The following KCNC3 variants were observed in gnomAD, a reference collection of about 807,000 sequenced individuals.
KCNC3 encodes voltage-gated potassium channel KCNC3.
KCNC3 carries 22 observed loss-of-function variants against 43.9 expected under a neutral mutation model. The ratio of observed to expected loss-of-function variants is 0.50; its 90% CI spans 0.36 to 0.72. The LOEUF (loss-of-function observed/expected upper bound fraction) is 0.72. Among genes scored for constraint, KCNC3 ranks in the 30% least tolerant of loss-of-function variants. The pLI is 0.00. For missense variants in KCNC3, 829 were observed against 1,073.8 expected (o/e 0.77, Z 3.19); for synonymous variants, 492 against 488.0 (o/e 1.01, Z -0.11).
In KCNC3 at chr19:50,324,026, C is replaced by T; in HGVS notation, c.927G>A (p.Leu309=). ...FILISITTFC[L]ETHEGFIHIS... Reference sequence around the variant, plus strand: ...TATGGATGAAGCCCTCATGGGTTTCCAGGCAGAAGGTGGTGATGGAGATGA... The same window carrying T: ...TATGGATGAAGCCCTCATGGGTTTCTAGGCAGAAGGTGGTGATGGAGATGA... Residue 309 remains leucine, a synonymous_variant, in exon 2 of 5, where the codon CTG becomes CTA. Coordinates refer to ENST00000477616, the MANE Select transcript of KCNC3 (RefSeq NM_004977.3). This position sits in a 1 kb window ranked among gnomAD's most constrained non-coding sequence, Gnocchi z 4.1. 6 of 1,608,062 alleles carry T rather than the reference C, an allele frequency of 3.7e-6. No homozygotes were observed. The highest frequency in any genetic ancestry group is 5.1e-6 in the Non-Finnish European group (6 of 1,175,678).
chr19:50,317,111 A>C (rs1282024621), intron 4 of KCNC3, among the ~76,000 whole-genome samples: 1 of 147,690 alleles, frequency 6.8e-6, no homozygotes, highest in African/African-American at 2.5e-5. Flanking sequence ...GAACAGAGGA[A>C]GGTAAAGGAC....
Position 50,324,178 on chromosome 19 carries a change from C to G in KCNC3, c.871-96G>C. On this transcript the variant is annotated intron_variant, in intron 1 of 4. Coordinates refer to ENST00000477616, the MANE Select transcript of KCNC3 (RefSeq NM_004977.3). The surrounding 1 kb of genome is among the most constrained non-coding windows in gnomAD (Gnocchi z 4.1). ...ACCCTTCCAGTGCCCCCTTCCCCAGCCTCCTGGGCCCAAACTCTGGGCAAA... is the reference window on the plus strand; with the variant it reads ...ACCCTTCCAGTGCCCCCTTCCCCAGGCTCCTGGGCCCAAACTCTGGGCAAA... The G allele has an allele frequency of 7.8e-7, 1 of 1,273,964 alleles. No homozygotes were observed. The highest frequency in any genetic ancestry group is 1.1e-6 in the Non-Finnish European group (1 of 939,344). 78.9% of individuals were successfully genotyped at this position (1,273,964 alleles called of 1,614,324 possible).
intron 1 of KCNC3, among the ~76,000 whole-genome samples, chr19:50,325,443 C>G (rs1401529159): frequency 6.6e-6 from 1 of 152,018 alleles, no homozygotes; most frequent in Non-Finnish European, 1.5e-5. Context: ...CTGTGCACCC[C>G]CCTTCCTCCA....
In KCNC3 at chr19:50,323,053, T is replaced by C. The variant is rs1426577364; in HGVS notation, c.1900A>G (p.Met634Val). Residue 634 changes from methionine to valine, a missense_variant, in exon 2 of 5, where the codon ATG becomes GTG. Around this residue, in one of 7 missense-constraint regions of KCNC3, gnomAD observed 308 missense variants for 276.2 expected, o/e 1.11. Coordinates refer to ENST00000477616, the MANE Select transcript of KCNC3 (RefSeq NM_004977.3). Reference sequence around the variant, plus strand: ...GGGGCTGGCAGAGGAGGCAGCCCCATGATCCCCAGCCCACCCGCTCCCCCC... The same window carrying C: ...GGGGCTGGCAGAGGAGGCAGCCCCACGATCCCCAGCCCACCCGCTCCCCCC... ...LRGGAGGLGI[M>V]GLPPLPAPGE... 6.5e-7 allele frequency: 1 copy of C among 1,541,846 alleles called. No individual in the cohort carries two copies. The highest frequency in any genetic ancestry group is 2.0e-5 in the Admixed American group (1 of 50,448).
At chr19:50,319,760 G>A (rs996049422) in intron 4 of KCNC3, among the ~76,000 whole-genome samples, 19 of 152,078 alleles carry the variant, frequency 1.2e-4, no homozygotes, top group South Asian at 4.1e-4. Flanking sequence ...TTTTGTTCAC[G>A]GTTGAACTCC....
At position 50,328,330 on chromosome 19, in the gene KCNC3, G is replaced by A; in HGVS notation, c.753C>T (p.Gly251=). The change falls in exon 1 of 5, where the codon GGC becomes GGT. Residue 251 remains glycine (G), a synonymous_variant. Transcript: ENST00000477616. ...CCCCTGGCGGCCCCCCGGCGCCGCC[G>A]CCCGCGTCCTGGAAGCAGAGGCGCT... ...ELKRLCFQDA[G]GGAGGPPGGA... is the part of the protein sequence containing the mutation. 1 of 1,141,776 alleles carries A rather than the reference G, an allele frequency of 8.8e-7. No individual in the cohort carries two copies. The highest frequency in any genetic ancestry group is 1.1e-6 in the Non-Finnish European group (1 of 933,208). 70.7% of individuals were successfully genotyped at this position (1,141,776 alleles called of 1,614,324 possible). A position where few individuals can be genotyped will look rare whatever the true frequency, so the allele number is the denominator to read the frequency against.
Position 50,323,789 on chromosome 19 carries a change from G to A in KCNC3, c.1164C>T (p.Ala388=), listed in dbSNP as rs144968007. ...KSSLNIIDCV[A]ILPFYLEVGL... ...CCACCTCGAGATAGAAGGGCAGGAT[G>A]GCCACACAGTCGATGATGTTGAGGC... Residue 388 remains alanine (A), a synonymous_variant, in exon 2 of 5, where the codon GCC becomes GCT. Transcript: ENST00000477616. 15 of 1,614,104 alleles carry A rather than the reference G, an allele frequency of 9.3e-6. No homozygotes were observed. Among genetic ancestry groups the A allele is most frequent in the Admixed American group, 3.3e-5 (2 of 60,002 alleles).
upstream of KCNC3, among the ~76,000 whole-genome samples, chr19:50,330,065 G>A (rs2037168450): frequency 6.6e-6 from 1 of 152,154 alleles, no homozygotes; most frequent in Non-Finnish European, 1.5e-5. Flanking sequence ...TCAGGAGTTC[G>A]AGACCAGCCC....
chr19:50,319,726 A>G (rs1312590013), intron 4 of KCNC3, among the ~76,000 whole-genome samples: 1 of 151,896 alleles, frequency 6.6e-6, no homozygotes, highest in Non-Finnish European at 1.5e-5. Context: ...CCTGCTCCAA[A>G]GCGGAAGCTC....
intron 1 of KCNC3, among the ~76,000 whole-genome samples, chr19:50,327,634 G>A (rs776833514): frequency 2.0e-5 from 3 of 152,034 alleles, no homozygotes; most frequent in Non-Finnish European, 4.4e-5. Context: ...GGGGTGAATC[G>A]GGGAGGTGCT....
chr19:50,320,715 G>A lies in KCNC3; in HGVS notation c.2048C>T (p.Pro683Leu), dbSNP rs2037021620. The A allele has an allele frequency of 6.2e-7, 1 of 1,614,024 alleles. No homozygotes were observed. The highest frequency in any genetic ancestry group is 2.2e-5 in the East Asian group (1 of 44,868). ...GCTCTTGTCTTCCGGGGACATGGCA[G>A]GCTGGTCAATGGCTGGGCAGTCCTC... ...AHEDCPAIDQ[P>L]AMSPEDKSPI... is the part of the protein sequence containing the mutation. The change falls in exon 3 of 5, where the codon CCT (proline) becomes CTT (leucine). Residue 683 changes from proline to leucine, a missense_variant. By Grantham distance (98) the Pro-to-Leu change is moderately conservative. This residue lies in a region of KCNC3 where 308 missense variants were observed against 276.2 expected (regional missense o/e 1.11). Transcript: ENST00000477616.
chr19:50,321,197 T>C (rs1286678633), intron 2 of KCNC3, among the ~76,000 whole-genome samples: 6 of 151,950 alleles, frequency 3.9e-5, no homozygotes, highest in Admixed American at 3.9e-4. Context: ...GCTGGCCACA[T>C]TGGCTCATGC....
At position 50,314,615 on chromosome 19, in the gene KCNC3, A is replaced by C. The variant is rs1434535286; in HGVS notation, c.*1500T>G. 4 of 327,088 alleles carry C rather than the reference A, an allele frequency of 1.2e-5. No homozygotes were observed. The highest frequency in any genetic ancestry group is 4.4e-5 in the South Asian group (2 of 45,060). 20.3% of individuals were successfully genotyped at this position (327,088 alleles called of 1,614,324 possible). A position where few individuals can be genotyped will look rare whatever the true frequency, so the allele number is the denominator to read the frequency against. ...TCCTATGGCTCGTGGAGACCTGAGA[A>C]GGCTTTTTTTGGGGAGGGAAGAGTT... On this transcript the variant is annotated 3_prime_UTR_variant, in exon 5 of 5. Coordinates refer to ENST00000477616, the MANE Select transcript of KCNC3 (RefSeq NM_004977.3).
chr19:50,320,545 G>T, intron 3 of KCNC3, 48 bp downstream of exon 3: 1 of 1,552,040 alleles, frequency 6.4e-7, no homozygotes, highest in Non-Finnish European at 8.8e-7. Flanking sequence ...CCCTGGGCAG[G>T]GGAGAGAGAG....
chr19:50,328,836 C>A lies in KCNC3; in HGVS notation c.247G>T (p.Gly83Cys). 4 of 1,488,208 alleles carry A rather than the reference C, an allele frequency of 2.7e-6. No individual in the cohort carries two copies. The highest frequency in any genetic ancestry group is 3.6e-6 in the Non-Finnish European group (4 of 1,124,100). The allele number at this position is 1,488,208 out of a possible 1,614,324, so 92.2% of individuals were successfully genotyped here. ...PAAAMGRHGG[G>C]GGDSGKIVIN... ...ACGATCTTGCCGCTGTCGCCACCGC[C>A]GCCGCCGTGCCGCCCCATGGCCGCC... is the stretch of plus-strand genomic sequence containing the variant. Residue 83 changes from glycine (G) to cysteine (C), a missense_variant, in exon 1 of 5, where the codon GGC becomes TGC. Transcript: ENST00000477616.
At chr19:50,316,302 G>A (rs185846262) in intron 4 of KCNC3, among the ~76,000 whole-genome samples, 170 of 152,008 alleles carry the variant, frequency 1.1e-3, no homozygotes, top group Admixed American at 3.2e-3. Context: ...GGAGGGGGAG[G>A]GGAGGAGGAA....
Position 50,324,216 on chromosome 19 carries a change from C to T in KCNC3, c.871-134G>A, listed in dbSNP as rs1003102035. 18 of 804,396 alleles carry T rather than the reference C, an allele frequency of 2.2e-5. No individual in the cohort carries two copies. Among genetic ancestry groups the T allele is most frequent in the Admixed American group, 5.8e-5 (2 of 34,476 alleles). 49.8% of individuals were successfully genotyped at this position (804,396 alleles called of 1,614,324 possible). A position where few individuals can be genotyped will look rare whatever the true frequency, so the allele number is the denominator to read the frequency against. ...AACTCTGGGCAAAATCCAGGTGTCTCAGCCCTGTGGCTCCATCACTTCCAG... is the reference window on the plus strand; with the variant it reads ...AACTCTGGGCAAAATCCAGGTGTCTTAGCCCTGTGGCTCCATCACTTCCAG... On this transcript the variant is annotated intron_variant, in intron 1 of 4. Transcript: ENST00000477616. This position sits in a 1 kb window ranked among gnomAD's most constrained non-coding sequence, Gnocchi z 4.1.
In KCNC3 at chr19:50,322,984, T is replaced by C; in HGVS notation, c.1969A>G (p.Asn657Asp). 1 of 1,550,684 alleles carries C rather than the reference T, an allele frequency of 6.4e-7. No homozygotes were observed. The highest frequency in any genetic ancestry group is 8.7e-7 in the Non-Finnish European group (1 of 1,147,470). Residue 657 changes from asparagine (N) to aspartate (D), a missense_variant, in exon 2 of 5, where the codon AAC (asparagine) becomes GAC (aspartate). By Grantham distance (23) the Asn-to-Asp change is conservative. Around this residue, in one of 7 missense-constraint regions of KCNC3, gnomAD observed 308 missense variants for 276.2 expected, o/e 1.11. Coordinates refer to ENST00000477616, the MANE Select transcript of KCNC3 (RefSeq NM_004977.3). ...PLAQEEVIEINRADPRPNGDP... is the reference protein window; with the variant it reads ...PLAQEEVIEIDRADPRPNGDP... ...TGACGCCCAGGCTCACCTGCCCGGT[T>C]GATCTCAATCACCTCCTCCTGAGCC...
Position 50,313,034 on chromosome 19 carries a change from G to C in KCNC3, c.*3081C>G, listed in dbSNP as rs2036900559. Reference sequence around the variant, plus strand: ...CCACCCTCGGGTGGGGGGTTCCTGAGGCCGTGGGAGCAGAGGGAGGGAGGT... The same window carrying C: ...CCACCCTCGGGTGGGGGGTTCCTGACGCCGTGGGAGCAGAGGGAGGGAGGT... On this transcript the variant is annotated 3_prime_UTR_variant, in exon 5 of 5. Transcript: ENST00000477616. The C allele has an allele frequency of 6.6e-6, 1 of 152,178 alleles. No homozygotes were observed. Among genetic ancestry groups the C allele is most frequent in the African/African-American group, 2.4e-5 (1 of 41,432 alleles). The allele number at this position is 152,178 out of a possible 1,614,324, so 9.4% of individuals were successfully genotyped here.
Sources: allele counts gnomAD v4.1 joint callset (sites outside exome capture counted in the v4.1 genomes callset), GRCh38; gene constraint gnomAD v4.1.1; regional missense constraint gnomAD v4.1.1; non-coding constraint Gnocchi (gnomAD v3.1); transcripts MANE v1.5; gene names NCBI Gene and HGNC (gene_info 2026-07-23, HGNC 2026-07-21).